SPATS2L: variants seen among roughly 807,000 people sequenced by gnomAD.
SPATS2L encodes the protein spermatogenesis associated serine rich 2 like.
Under a neutral mutation model 59.6 loss-of-function variants are expected in SPATS2L, and 30 were observed. The ratio of observed to expected loss-of-function variants is 0.50; its 90% CI spans 0.38 to 0.68. SPATS2L has a LOEUF of 0.68. Ranked by LOEUF, SPATS2L falls within the 30% of genes least tolerant of loss-of-function variation. The pLI, the probability that SPATS2L is intolerant of heterozygous loss-of-function variation, is 0.00. For missense variants in SPATS2L, 615 were observed against 700.0 expected (o/e 0.88, Z 1.37); for synonymous variants, 252 against 263.5 (o/e 0.96, Z 0.42).
At chr2:200,401,869 T>C (rs2082540246) in intron 3 of SPATS2L, among the ~76,000 whole-genome samples, 1 of 152,196 alleles carries the variant, frequency 6.6e-6, no homozygotes, top group South Asian at 2.1e-4. Context: ...AGTTCTTTTC[T>C]GGAGCTCCAG....
At chr2:200,465,838 A>C (rs2086555610) in intron 9 of SPATS2L, among the ~76,000 whole-genome samples, 1 of 152,184 alleles carries the variant, frequency 6.6e-6, no homozygotes, top group South Asian at 2.1e-4. Context: ...CAAGACCACC[A>C]TGGCTAACAT....
At chr2:200,456,908 T>C (rs1399731442) in intron 8 of SPATS2L, among the ~76,000 whole-genome samples, 1 of 152,130 alleles carries the variant, frequency 6.6e-6, no homozygotes, top group African/African-American at 2.4e-5. Flanking sequence ...TCATTTTCTT[T>C]CCTCTCTATC....
At chr2:200,460,620 G>T (rs1350617033) in intron 9 of SPATS2L, among the ~76,000 whole-genome samples, 1 of 151,320 alleles carries the variant, frequency 6.6e-6, no homozygotes, top group Non-Finnish European at 1.5e-5. Context: ...GCGTAGTGGT[G>T]GGCACCTGTA....
In SPATS2L at chr2:200,326,898, C is replaced by A. The variant is rs1244261436; in HGVS notation, c.-72-2533C>A. Among the ~76,000 whole-genome samples, 15 of 125,966 alleles carry A rather than the reference C, an allele frequency of 1.2e-4. No individual in the cohort carries two copies. The Admixed American group carries it at 1.4e-3, about 12-fold the overall frequency. 82.6% of individuals were successfully genotyped at this position (125,966 alleles called of 152,430 possible). On this transcript the variant is annotated intron_variant, in intron 1 of 12. Transcript: ENST00000409140. ...TACAGGCGTGTGCCACCATGCCCGG[C>A]TAATTTTTTTTTTTTTTTTTTTTTT...
At chr2:200,467,459 T>C in intron 10 of SPATS2L, 60 bp downstream of exon 10, 1 of 1,199,970 alleles carries the variant, frequency 8.3e-7, no homozygotes, top group South Asian at 1.3e-5. Flanking sequence ...CAATTATGTT[T>C]GTTTTGCATC....
chr2:200,412,498 C>T, intron 4 of SPATS2L, 79 bp downstream of exon 4: 31 of 745,226 alleles, frequency 4.2e-5, no homozygotes, highest in Non-Finnish European at 6.4e-5. Context: ...CTTAAATGAA[C>T]TGAATATCAA....
chr2:200,410,976 T>G (rs1364555784), intron 3 of SPATS2L, among the ~76,000 whole-genome samples: 1 of 150,674 alleles, frequency 6.6e-6, no homozygotes, highest in African/African-American at 2.4e-5. Context: ...AATGTGAGAA[T>G]AGAAAATCAA....
intron 2 of SPATS2L, 21 bp from the exon 3 acceptor site, chr2:200,389,202 T>A (rs539919114): frequency 6.7e-7 from 1 of 1,503,508 alleles, no homozygotes; most frequent in Non-Finnish European, 9.1e-7. Context: ...TAAAACTTAA[T>A]CTTGTTTTCC....
chr2:200,329,615 C>G, intron 2 of SPATS2L, 135 bp downstream of exon 2: 1 of 724,802 alleles, frequency 1.4e-6, no homozygotes, highest in South Asian at 1.7e-5. Flanking sequence ...GGCTCAACAC[C>G]AGAGTTCTCT....
At chr2:200,408,666 T>C (rs1341875164) in intron 3 of SPATS2L, among the ~76,000 whole-genome samples, 2 of 152,178 alleles carry the variant, frequency 1.3e-5, no homozygotes, top group Admixed American at 1.3e-4. Flanking sequence ...ACAGCTCAGG[T>C]GCAGAGAAGG....
chr2:200,341,246 C>T (rs1574441618), intron 2 of SPATS2L, among the ~76,000 whole-genome samples: 1 of 152,100 alleles, frequency 6.6e-6, no homozygotes, highest in East Asian at 1.9e-4. Flanking sequence ...CACGATTAAC[C>T]CTGGGCAGGG....
At chr2:200,448,789 CA>C (rs1559141876) in intron 8 of SPATS2L, among the ~76,000 whole-genome samples, 1 of 152,098 alleles carries the variant, frequency 6.6e-6, no homozygotes, top group Admixed American at 6.5e-5. Context: ...GTTAAAGAAA[CA>C]GAGAGTATGG....
At chr2:200,426,313 A>G (rs950198197) in intron 6 of SPATS2L, among the ~76,000 whole-genome samples, 1 of 152,008 alleles carries the variant, frequency 6.6e-6, no homozygotes, top group African/African-American at 2.4e-5. Context: ...GATGGTCTCA[A>G]TCTCCTGACC....
chr2:200,356,803 T>C (rs570460711), intron 2 of SPATS2L, among the ~76,000 whole-genome samples: 18 of 152,322 alleles, frequency 1.2e-4, no homozygotes, highest in African/African-American at 3.6e-4. Flanking sequence ...CTAGGAAGTA[T>C]GGCATTGGTG....
chr2:200,348,199 C>T (rs868313013), intron 2 of SPATS2L, among the ~76,000 whole-genome samples: 20 of 152,078 alleles, frequency 1.3e-4, no homozygotes, highest in African/African-American at 4.8e-4. Flanking sequence ...AACCATAATA[C>T]TAGTGTTCTG....
chr2:200,306,927 G>C lies in SPATS2L; in HGVS notation c.-73+5G>C, dbSNP rs1464887524. 5.1e-6 allele frequency: 5 copies of C among 982,084 alleles called. No homozygotes were observed. Among genetic ancestry groups the C allele is most frequent in the Non-Finnish European group, 6.0e-6 (5 of 828,728 alleles). The allele number at this position is 982,084 out of a possible 1,614,324, so 60.8% of individuals were successfully genotyped here. A position where few individuals can be genotyped will look rare whatever the true frequency, so the allele number is the denominator to read the frequency against. On this transcript the variant is annotated splice_donor_5th_base_variant and intron_variant, in intron 1 of 12. Transcript: ENST00000409140. ...GAGCCGGCGCTCGACACAGAGGTAA[G>C]CCCAGGACCCCCTCCACGCCGGGCC...
At chr2:200,345,053 G>A (rs1457377714) in intron 2 of SPATS2L, among the ~76,000 whole-genome samples, 1 of 152,120 alleles carries the variant, frequency 6.6e-6, no homozygotes, top group Non-Finnish European at 1.5e-5. Context: ...TTCTTTTGCT[G>A]TGCAGAAACT....
intron 3 of SPATS2L, among the ~76,000 whole-genome samples, chr2:200,406,201 G>C (rs2082682141): frequency 6.6e-6 from 1 of 152,176 alleles, no homozygotes; most frequent in South Asian, 2.1e-4. Context: ...GCTGGAAGAA[G>C]TGTGTGAGCA....
intron 2 of SPATS2L, among the ~76,000 whole-genome samples, chr2:200,363,838 T>C (rs558726416): frequency 1.3e-3 from 200 of 152,304 alleles, no homozygotes; most frequent in African/African-American, 4.6e-3. Flanking sequence ...AGTCTCCACC[T>C]GCATGGCTGG....
Sources: gnomAD v4.1 joint callset for allele counts (sites outside exome capture counted in the v4.1 genomes callset) on GRCh38, gnomAD v4.1.1 for gene constraint, MANE v1.5 for transcripts, NCBI Gene and HGNC (gene_info 2026-07-23, HGNC 2026-07-21) for gene names.